The following DLG2 variants were observed in gnomAD, a reference collection of about 807,000 sequenced individuals.
The protein encoded by DLG2 is disks large homolog 2.
A neutral mutation model predicts 132.5 loss-of-function variants in DLG2; 45 were observed. The ratio of observed to expected loss-of-function variants is 0.34; its 90% confidence interval spans 0.27 to 0.44. The LOEUF is 0.44. DLG2 is among the 20% of genes least tolerant of loss of function. The pLI is 1.00. For missense variants in DLG2, 1,045 were observed against 1,196.9 expected, an observed-to-expected ratio of 0.87 and a Z score of 1.87; for synonymous variants, 424 against 419.6, an observed-to-expected ratio of 1.01 and a Z score of -0.13.
chr11:85,402,859 T>C (rs1195137007), intron 3 of DLG2, among the ~76,000 whole-genome samples: 2 of 152,284 alleles, frequency 1.3e-5, no homozygotes, highest in Admixed American at 6.5e-5. Flanking sequence ...CTGGAGAGGA[T>C]GTGGAAAAAT....
intron 7 of DLG2, among the ~76,000 whole-genome samples, chr11:84,389,214 A>C (rs566636307): frequency 2.0e-5 from 3 of 152,214 alleles, no homozygotes; most frequent in Non-Finnish European, 4.4e-5. Flanking sequence ...ATGTTGTTGT[A>C]TTACTTAAAG....
chr11:84,840,322 T>C (rs1405561455), intron 6 of DLG2, among the ~76,000 whole-genome samples: 1 of 152,078 alleles, frequency 6.6e-6, no homozygotes, highest in Non-Finnish European at 1.5e-5. Flanking sequence ...ATGGCAATCA[T>C]TAAAAAGTCA....
At chr11:84,399,458 C>T (rs1469506210) in intron 7 of DLG2, among the ~76,000 whole-genome samples, 1 of 152,160 alleles carries the variant, frequency 6.6e-6, no homozygotes, top group Non-Finnish European at 1.5e-5. Flanking sequence ...AAGAGTCTCG[C>T]TCTGTCACCC....
intron 18 of DLG2, chr11:83,645,862 C>G (rs1337803253): frequency 1.3e-5 from 2 of 152,080 alleles, no homozygotes; most frequent in African/African-American, 4.8e-5. Flanking sequence ...TTGTTATTTG[C>G]TGGAAAATTT....
chr11:84,184,942 G>A (rs12802123), intron 8 of DLG2, among the ~76,000 whole-genome samples: 9,845 of 152,108 alleles, frequency 0.065, 397 homozygotes, highest in African/African-American at 0.1. Context: ...CTCTGTTTTG[G>A]TACCAGTACC....
chr11:85,295,817 A>C (rs926943033), intron 3 of DLG2, among the ~76,000 whole-genome samples: 2 of 152,180 alleles, frequency 1.3e-5, no homozygotes, highest in Non-Finnish European at 2.9e-5. Context: ...TCAATAGCAC[A>C]GTGCTTAGCT....
At chr11:85,491,936 C>T (rs116410074) in intron 3 of DLG2, among the ~76,000 whole-genome samples, 3,439 of 149,378 alleles carry the variant, frequency 0.023, 128 homozygotes, top group African/African-American at 0.082. Context: ...AATAGCCAAA[C>T]CAATATTAAG....
At chr11:84,700,857 T>C (rs372585858) in intron 6 of DLG2, among the ~76,000 whole-genome samples, 4 of 151,598 alleles carry the variant, frequency 2.6e-5, no homozygotes, top group African/African-American at 9.7e-5. Flanking sequence ...TACCCTGACT[T>C]CTTGCCCAAC....
chr11:84,454,302 A>G (rs571004785), intron 7 of DLG2, among the ~76,000 whole-genome samples: 1 of 151,670 alleles, frequency 6.6e-6, no homozygotes, highest in South Asian at 2.1e-4. Context: ...TCTGAGAAGA[A>G]ATAGATATAT....
chr11:85,202,082 C>G (rs918670734), intron 4 of DLG2, among the ~76,000 whole-genome samples: 2 of 148,970 alleles, frequency 1.3e-5, no homozygotes, highest in African/African-American at 5.0e-5. Context: ...AATGTTAAAG[C>G]AAATATTTGT....
At chr11:83,546,761 T>C (rs918460469) in intron 19 of DLG2, among the ~76,000 whole-genome samples, 1 of 152,144 alleles carries the variant, frequency 6.6e-6, no homozygotes, top group African/African-American at 2.4e-5. Flanking sequence ...ATTTCATGAT[T>C]TGATGATAAC....
chr11:83,539,089 T>C (rs1481983759), intron 20 of DLG2, among the ~76,000 whole-genome samples: 1 of 152,172 alleles, frequency 6.6e-6, no homozygotes, highest in Non-Finnish European at 1.5e-5. Flanking sequence ...AACTTACTCA[T>C]AGGGTTCTAA....
At chr11:84,208,185 A>G (rs2096700709) in intron 8 of DLG2, among the ~76,000 whole-genome samples, 1 of 152,058 alleles carries the variant, frequency 6.6e-6, no homozygotes, top group Non-Finnish European at 1.5e-5. Flanking sequence ...TTGACTTACA[A>G]TTTTGTTCCA....
intron 18 of DLG2, among the ~76,000 whole-genome samples, chr11:83,639,174 T>C (rs2065684033): frequency 6.6e-6 from 1 of 152,198 alleles, no homozygotes; most frequent in Non-Finnish European, 1.5e-5. Flanking sequence ...GGCAATAGCA[T>C]GAGGCCATGG....
chr11:84,225,552 T>C (rs2096979111), intron 8 of DLG2, among the ~76,000 whole-genome samples: 2 of 152,316 alleles, frequency 1.3e-5, no homozygotes, highest in South Asian at 4.1e-4. Context: ...TCAAGGGCAG[T>C]CGTTTCCTTT....
At chr11:84,921,102 AAAAC>A (rs2092733758) in intron 6 of DLG2, among the ~76,000 whole-genome samples, 1 of 152,096 alleles carries the variant, frequency 6.6e-6, no homozygotes, top group Non-Finnish European at 1.5e-5. Context: ...TAAATAAAAT[AAAAC>A]AAAAGTCAAA....
intron 4 of DLG2, among the ~76,000 whole-genome samples, chr11:85,242,454 T>A (rs1371325962): frequency 6.6e-6 from 1 of 151,900 alleles, no homozygotes. Flanking sequence ...TCTGTGGAAT[T>A]TACCTTTGTT....
chr11:83,990,326 C>A (rs968477997), intron 11 of DLG2, among the ~76,000 whole-genome samples: 7 of 152,144 alleles, frequency 4.6e-5, no homozygotes, highest in African/African-American at 1.7e-4. Flanking sequence ...TTCCAATTTT[C>A]TTGCATATCT....
intron 5 of DLG2, among the ~76,000 whole-genome samples, chr11:85,129,401 T>A (rs1192719975): frequency 6.6e-6 from 1 of 152,236 alleles, no homozygotes; most frequent in Non-Finnish European, 1.5e-5. Flanking sequence ...GGTGGGATTA[T>A]TTTATCAGAG....
Sources: allele counts gnomAD v4.1 joint callset (sites outside exome capture counted in the v4.1 genomes callset), GRCh38; gene constraint gnomAD v4.1.1; transcripts MANE v1.5; gene names NCBI Gene and HGNC (gene_info 2026-07-23, HGNC 2026-07-21).